The following JCAD variants were observed in gnomAD, a reference collection of about 807,000 sequenced individuals.
JCAD encodes junctional cadherin 5-associated protein.
A neutral mutation model predicts 98.0 loss-of-function variants in JCAD; 40 were observed. The observed-to-expected ratio is 0.41, with a 90% CI of 0.32 to 0.53. The LOEUF (loss-of-function observed/expected upper bound fraction) is 0.53. Ranked by LOEUF, JCAD falls within the 20% of genes least tolerant of loss-of-function variation. The pLI is 0.31. For missense variants in JCAD, 1,705 were observed against 1,738.1 expected (o/e 0.98, Z 0.34); for synonymous variants, 691 against 682.3 (o/e 1.01, Z -0.20).
Position 30,087,545 on chromosome 10 carries a change from C to T in JCAD, n.129-17724G>A, listed in dbSNP as rs75233750. 4.8e-3 allele frequency among the ~76,000 whole-genome samples: 733 copies of T among 152,332 alleles called. 2 individuals carry two copies. Among genetic ancestry groups the T allele is most frequent in the African/African-American group, 0.016 (684 of 41,574 alleles). ...ATCTCTTAGAATGTACCAGTTAGTGCACACTCTTGGCCAGTTCTCAAGGAG... is the reference window on the plus strand; with the variant it reads ...ATCTCTTAGAATGTACCAGTTAGTGTACACTCTTGGCCAGTTCTCAAGGAG... On this transcript the variant is annotated intron_variant and non_coding_transcript_variant, in intron 1 of 2. Transcript: ENST00000465712.
intron 1 of JCAD, among the ~76,000 whole-genome samples, chr10:30,086,360 G>T (rs550422395): frequency 6.6e-6 from 1 of 152,286 alleles, no homozygotes; most frequent in African/African-American, 2.4e-5. Flanking sequence ...CAGGGCAGAA[G>T]ATAGAAGCTA....
intron 3 of JCAD, among the ~76,000 whole-genome samples, chr10:30,022,243 C>T (rs1836674716): frequency 6.6e-6 from 1 of 152,104 alleles, no homozygotes; most frequent in African/African-American, 2.4e-5. Flanking sequence ...AGGCACGGCA[C>T]AAGGGTGTGT....
At chr10:30,108,667 C>T (rs1438182155) in intron 1 of JCAD, among the ~76,000 whole-genome samples, 1 of 152,062 alleles carries the variant, frequency 6.6e-6, no homozygotes, top group East Asian at 1.9e-4. Context: ...AGTGATCATC[C>T]CCTCACTAGA....
At chr10:30,042,532 C>G (rs1161655633) in intron 2 of JCAD, among the ~76,000 whole-genome samples, 1 of 152,102 alleles carries the variant, frequency 6.6e-6, no homozygotes, top group Non-Finnish European at 1.5e-5. Flanking sequence ...TCTCTGCCAG[C>G]CAGAGGTACG....
intron 2 of JCAD, among the ~76,000 whole-genome samples, chr10:30,039,815 A>C (rs1385620563): frequency 6.6e-6 from 1 of 152,022 alleles, no homozygotes; most frequent in Non-Finnish European, 1.5e-5. Context: ...ACGGCTGTCC[A>C]GTGGAACGCT....
At chr10:30,018,952 C>G (rs1353047034) in intron 3 of JCAD, among the ~76,000 whole-genome samples, 4 of 152,194 alleles carry the variant, frequency 2.6e-5, no homozygotes, top group Non-Finnish European at 4.4e-5. Context: ...GAAGAGATAT[C>G]TGCACTGCAG....
chr10:30,028,693 C>T lies in JCAD; in HGVS notation c.1455G>A (p.Gly485=). 1 of 1,609,086 alleles carries T rather than the reference C, an allele frequency of 6.2e-7. No individual in the cohort carries two copies. The highest frequency in any genetic ancestry group is 8.5e-7 in the Non-Finnish European group (1 of 1,177,302). The part of the protein sequence containing the change: ...WNPQSLIPPS[G]DERGLVLADS... The stretch of plus-strand genomic sequence containing the variant: ...CGGCCAAGACCAGGCCTCTCTCATC[C>T]CCCGACGGGGGTATTAAGCTCTGTG... Residue 485 remains glycine, a synonymous_variant, in exon 3 of 4, where the codon GGG becomes GGA. Transcript: ENST00000375377.
Position 30,028,650 on chromosome 10 carries a change from G to A in JCAD, c.1498C>T (p.Leu500=), listed in dbSNP as rs754835192. 1.9e-6 allele frequency: 3 copies of A among 1,605,902 alleles called. No homozygotes were observed. In the Admixed American group the frequency reaches 5.1e-5, roughly 27 times the overall value. The change falls in exon 3 of 4, where the codon CTG becomes TTG. Residue 500 remains leucine, a synonymous_variant. Coordinates refer to ENST00000375377, the MANE Select transcript of JCAD (RefSeq NM_020848.4). ...CCATCCCCGGGGGGCTGGCCCCACA[G>A]CCACCGGGGGCTGGAATCGGCCAAG... The part of the protein sequence containing the change: ...LVLADSSPRW[L]WGQPPGDGEN...
chr10:30,073,681 GCTTC>G (rs35385707), intron 1 of JCAD, among the ~76,000 whole-genome samples: 9,008 of 137,978 alleles, frequency 0.065, 557 homozygotes, highest in East Asian at 0.32. Context: ...TTCCTTCCTT[GCTTC>G]CTTCCTTCCT....
At chr10:30,110,712 G>A (rs914632572) in intron 1 of JCAD, among the ~76,000 whole-genome samples, 1 of 151,556 alleles carries the variant, frequency 6.6e-6, no homozygotes, top group African/African-American at 2.4e-5. Flanking sequence ...CTGATGTATG[G>A]ACCCCTGGTA....
At chr10:30,083,048 A>ATGTTTGTTCTCTGTTT (rs1223790336) in intron 1 of JCAD, among the ~76,000 whole-genome samples, 423 of 152,148 alleles carry the variant, frequency 2.8e-3, no homozygotes, top group African/African-American at 9.7e-3. Context: ...GCAAACAAAC[A>ATGTTTGTTCTCTGTTT]GAAAAACAGA....
chr10:30,114,588 A>C (rs1838760035), intron 1 of JCAD, among the ~76,000 whole-genome samples: 1 of 151,764 alleles, frequency 6.6e-6, no homozygotes, highest in African/African-American at 2.4e-5. Context: ...TAAAAAAAAA[A>C]AAAAAAAAAA....
chr10:30,060,889 A>G (rs1237073558), upstream of JCAD, among the ~76,000 whole-genome samples: 1 of 152,192 alleles, frequency 6.6e-6, no homozygotes, highest in African/African-American at 2.4e-5. Context: ...CTTGAATCAT[A>G]TGTTCCTCAT....
chr10:30,050,314 C>CAAAAAAAAA (rs61421356), intron 1 of JCAD, among the ~76,000 whole-genome samples: 34 of 41,730 alleles, frequency 8.1e-4, no homozygotes, highest in Admixed American at 2.1e-3. Context: ...GACCCTGTCT[C>CAAAAAAAAA]AAAAAAAAAA....
intron 1 of JCAD, among the ~76,000 whole-genome samples, chr10:30,082,853 A>C (rs1322213127): frequency 1.1e-4 from 2 of 18,088 alleles, no homozygotes; most frequent in South Asian, 4.2e-3. Context: ...CTCTGTCTCA[A>C]AAAAAAAAAA....
intron 1 of JCAD, among the ~76,000 whole-genome samples, chr10:30,113,132 A>G (rs1475279224): frequency 1.3e-5 from 2 of 152,194 alleles, no homozygotes; most frequent in Non-Finnish European, 2.9e-5. Flanking sequence ...ATTTTTAAGG[A>G]GAGTCAATGA....
intron 1 of JCAD, among the ~76,000 whole-genome samples, chr10:30,054,514 T>C (rs1837528575): frequency 6.6e-6 from 1 of 151,720 alleles, no homozygotes; most frequent in Admixed American, 6.6e-5. Context: ...TCTTATTATA[T>C]AATTTAATAT....
chr10:30,112,475 C>T (rs1250718707), intron 1 of JCAD, among the ~76,000 whole-genome samples: 1 of 151,950 alleles, frequency 6.6e-6, no homozygotes, highest in Non-Finnish European at 1.5e-5. Flanking sequence ...ACAGTGAGAC[C>T]CTGTCTCTTT....
Position 30,026,270 on chromosome 10 carries a change from C to G in JCAD, c.3878G>C (p.Arg1293Thr). 2 of 1,613,880 alleles carry G rather than the reference C, an allele frequency of 1.2e-6. No homozygotes were observed. The highest frequency in any genetic ancestry group is 1.7e-6 in the Non-Finnish European group (2 of 1,180,032). The change falls in exon 3 of 4, where the codon AGG becomes ACG. Residue 1293 changes from arginine to threonine, a missense_variant. Coordinates refer to ENST00000375377, the MANE Select transcript of JCAD (RefSeq NM_020848.4). Reference protein sequence around the residue: ...EDAEELKATTRGQAGLPGGLV... With the variant: ...EDAEELKATTTGQAGLPGGLV... ...GCCTCCCGGGAGCCCGGCCTGGCCC[C>G]TTGTGGTGGCCTTCAATTCCTCGGC...
Sources: allele counts gnomAD v4.1 joint callset (sites outside exome capture counted in the v4.1 genomes callset), GRCh38; gene constraint gnomAD v4.1.1; transcripts MANE v1.5; gene names NCBI Gene and HGNC (gene_info 2026-07-23, HGNC 2026-07-21).